Variants in TMEM74 observed in about 807,000 individuals in gnomAD.
TMEM74 encodes the protein transmembrane protein 74.
In TMEM74, 13 loss-of-function variants were observed where a neutral mutation model predicts 18.1. The observed-to-expected ratio is 0.72, with a 90% CI of 0.47 to 1.14. TMEM74 has a LOEUF of 1.14. Among genes scored for constraint, TMEM74 ranks in the 50% most tolerant of loss-of-function variants. The pLI, the probability that TMEM74 is intolerant of heterozygous loss-of-function variation, is 0.00. For missense variants in TMEM74, 372 were observed against 375.9 expected, an observed-to-expected ratio of 0.99 and a Z score of 0.09; for synonymous variants, 159 against 146.6, an observed-to-expected ratio of 1.08 and a Z score of -0.61.
intron 2 of TMEM74, among the ~76,000 whole-genome samples, chr8:108,653,927 A>G (rs921999465): frequency 1.3e-5 from 2 of 152,036 alleles, no homozygotes; most frequent in South Asian, 2.1e-4. Context: ...GTAGGTGGGA[A>G]TTTTGTCGTG....
At chr8:108,762,728 C>G (rs565958131) in intron 1 of TMEM74, among the ~76,000 whole-genome samples, 1 of 152,184 alleles carries the variant, frequency 6.6e-6, no homozygotes, top group South Asian at 2.1e-4. Context: ...ATACCTGTCT[C>G]CTCTACTAGA....
intron 1 of TMEM74, among the ~76,000 whole-genome samples, chr8:108,736,864 C>A (rs1813754440): frequency 6.6e-6 from 1 of 152,070 alleles, no homozygotes; most frequent in African/African-American, 2.4e-5. Flanking sequence ...ACCTTGATAT[C>A]ACTTTCATTA....
intron 2 of TMEM74, among the ~76,000 whole-genome samples, chr8:108,645,141 G>T (rs1050589003): frequency 6.6e-6 from 1 of 152,030 alleles, no homozygotes; most frequent in Non-Finnish European, 1.5e-5. Context: ...AAAAAATGTG[G>T]TGCATATACA....
chr8:108,744,616 T>C (rs1813831907), intron 1 of TMEM74, among the ~76,000 whole-genome samples: 1 of 152,076 alleles, frequency 6.6e-6, no homozygotes, highest in Non-Finnish European at 1.5e-5. Context: ...AAAGGAAAAG[T>C]CAATTATGCA....
chr8:108,633,785 C>G (rs1007280118), intron 2 of TMEM74, among the ~76,000 whole-genome samples: 3 of 151,992 alleles, frequency 2.0e-5, no homozygotes, highest in African/African-American at 7.2e-5. Context: ...TGTTCCTTGC[C>G]TTGTTTCAGT....
chr8:108,776,731 G>C (rs1034177172), downstream of TMEM74, among the ~76,000 whole-genome samples: 17 of 121,846 alleles, frequency 1.4e-4, no homozygotes, highest in East Asian at 2.7e-3. Context: ...GTTTCCACAT[G>C]ATGATGATGA....
downstream of TMEM74, among the ~76,000 whole-genome samples, chr8:108,775,327 T>C (rs1224846641): frequency 1.3e-5 from 2 of 152,174 alleles, no homozygotes; most frequent in Non-Finnish European, 2.9e-5. Flanking sequence ...CTAAAATAAG[T>C]ATTCTGAAAC....
intron 1 of TMEM74, among the ~76,000 whole-genome samples, chr8:108,669,326 A>G (rs3019408): frequency 0.22 from 33,992 of 151,998 alleles, 3,990 homozygotes; most frequent in East Asian, 0.29. Context: ...GGATATAAGG[A>G]GGACACACAC....
chr8:108,666,082 A>G (rs1031801833), intron 1 of TMEM74, among the ~76,000 whole-genome samples: 1 of 152,176 alleles, frequency 6.6e-6, no homozygotes, highest in African/African-American at 2.4e-5. Flanking sequence ...TGAAACATTT[A>G]AATAATAAGA....
intron 1 of TMEM74, among the ~76,000 whole-genome samples, chr8:108,695,700 T>C (rs547930055): frequency 3.3e-5 from 5 of 152,132 alleles, no homozygotes; most frequent in Non-Finnish European, 7.4e-5. Context: ...TTGTGTATAG[T>C]GAAGTTTTCT....
chr8:108,768,479 A>G (rs1291054749), intron 1 of TMEM74, among the ~76,000 whole-genome samples: 1 of 152,198 alleles, frequency 6.6e-6, no homozygotes, highest in African/African-American at 2.4e-5. Context: ...TTTTAAAAAA[A>G]TGAGTAGCTC....
At chr8:108,772,295 G>A (rs1814182149) in intron 1 of TMEM74, among the ~76,000 whole-genome samples, 1 of 152,114 alleles carries the variant, frequency 6.6e-6, no homozygotes, top group Admixed American at 6.6e-5. Context: ...ACCAAGGTAA[G>A]AGGCTGTGTT....
chr8:108,734,531 A>G (rs972109668), intron 1 of TMEM74, among the ~76,000 whole-genome samples: 2 of 152,028 alleles, frequency 1.3e-5, no homozygotes, highest in Admixed American at 1.3e-4. Context: ...TACGTTAATT[A>G]TTTTTCTTCG....
At chr8:108,766,958 T>C (rs1270763121) in intron 1 of TMEM74, among the ~76,000 whole-genome samples, 7 of 152,184 alleles carry the variant, frequency 4.6e-5, no homozygotes, top group Non-Finnish European at 1.0e-4. Context: ...TGCTCTTCCA[T>C]CTTCTCCTGC....
At chr8:108,651,841 C>T (rs1412375128) in intron 2 of TMEM74, among the ~76,000 whole-genome samples, 2 of 151,890 alleles carry the variant, frequency 1.3e-5, no homozygotes, top group African/African-American at 4.8e-5. Flanking sequence ...CCCATTTCCT[C>T]TCCCCATTGT....
At chr8:108,672,000 A>G (rs1343746827) in intron 1 of TMEM74, among the ~76,000 whole-genome samples, 1 of 152,170 alleles carries the variant, frequency 6.6e-6, no homozygotes, top group Non-Finnish European at 1.5e-5. Flanking sequence ...CACAAGTATT[A>G]TTTCATTTAA....
At chr8:108,661,867 T>C (rs1812903382) in intron 1 of TMEM74, among the ~76,000 whole-genome samples, 1 of 152,106 alleles carries the variant, frequency 6.6e-6, no homozygotes, top group Non-Finnish European at 1.5e-5. Flanking sequence ...GGAAGGAGTT[T>C]GTGAAATTGC....
intron 1 of TMEM74, among the ~76,000 whole-genome samples, chr8:108,710,179 A>G (rs999295535): frequency 6.6e-6 from 1 of 152,198 alleles, no homozygotes; most frequent in African/African-American, 2.4e-5. Context: ...AGCTCTAATT[A>G]TGTTTTAGTA....
At chr8:108,634,486 G>A (rs143738308) in intron 2 of TMEM74, among the ~76,000 whole-genome samples, 3 of 151,848 alleles carry the variant, frequency 2.0e-5, no homozygotes, top group African/African-American at 7.3e-5. Context: ...CTGTCCTGTG[G>A]GCCTGTTGTA....
Sources: gnomAD v4.1 joint callset for allele counts (sites outside exome capture counted in the v4.1 genomes callset) on GRCh38, gnomAD v4.1.1 for gene constraint, MANE v1.5 for transcripts, NCBI Gene and HGNC (gene_info 2026-07-23, HGNC 2026-07-21) for gene names.